The following STAU1 variants were observed in gnomAD, a reference collection of about 807,000 sequenced individuals.
The protein encoded by STAU1 is staufen double-stranded RNA binding protein 1, also known as double-stranded RNA-binding protein Staufen homolog 1.
Under a neutral mutation model 62.9 loss-of-function variants are expected in STAU1, and 13 were observed. That is an observed-to-expected ratio of 0.21 (90% confidence interval 0.13 to 0.33). The LOEUF (loss-of-function observed/expected upper bound fraction) is 0.33. Among genes scored for constraint, STAU1 ranks in the 10% least tolerant of loss-of-function variants. STAU1 has a pLI of 1.00. For missense variants in STAU1, 571 were observed against 712.1 expected, an observed-to-expected ratio of 0.80 and a Z score of 2.25; for synonymous variants, 269 against 265.1, an observed-to-expected ratio of 1.01 and a Z score of -0.14.
chr20:49,157,401 C>A (rs186633713), intron 3 of STAU1, among the ~76,000 whole-genome samples: 1 of 152,154 alleles, frequency 6.6e-6, no homozygotes, highest in Admixed American at 6.6e-5. Context: ...CTCACTGCAG[C>A]CTCCTGGGTT....
rs189961104 is a variant in STAU1, at chr20:49,146,686, C to T, written c.510+4896G>A. Among the ~76,000 whole-genome samples the T allele has an allele frequency of 2.0e-3, 299 of 149,220 alleles. 1 individual carries two copies. Among genetic ancestry groups the T allele is most frequent in the African/African-American group, 7.0e-3 (284 of 40,398 alleles). On this transcript the variant is annotated intron_variant, in intron 5 of 13. Coordinates refer to ENST00000371856, the MANE Select transcript of STAU1 (RefSeq NM_017453.4). ...GGCCTCCGCACTCCAGCCTGGGCAACAGAGTGAGACCCTATCTCCAAAAAA... is the reference window on the plus strand; with the variant it reads ...GGCCTCCGCACTCCAGCCTGGGCAATAGAGTGAGACCCTATCTCCAAAAAA...
chr20:49,152,636 G>A (rs915176918), intron 4 of STAU1, among the ~76,000 whole-genome samples: 2 of 151,942 alleles, frequency 1.3e-5, no homozygotes, highest in African/African-American at 4.8e-5. Context: ...CACCACACCT[G>A]GCCTCCACTA....
the STAU1 span, among the ~76,000 whole-genome samples, chr20:49,198,152 T>C: frequency 6.6e-6 from 1 of 152,170 alleles, no homozygotes; most frequent in Non-Finnish European, 1.5e-5. Flanking sequence ...CATTAGGAAA[T>C]GCAAATAAAA....
At chr20:49,159,224 C>T in intron 3 of STAU1, 1 of 917,450 alleles carries the variant, frequency 1.1e-6, no homozygotes, top group Non-Finnish European at 1.3e-6. Flanking sequence ...TCCGGTGCTA[C>T]CTGCCACTCT....
the STAU1 span, chr20:49,210,456 T>G: frequency 4.4e-6 from 2 of 455,874 alleles, no homozygotes; most frequent in Non-Finnish European, 8.8e-6. Flanking sequence ...TTTTTCTTCC[T>G]CCTCTTCTCT....
chr20:49,118,405 G>A lies in STAU1; in HGVS notation c.1117C>T (p.Pro373Ser). Residue 373 changes from proline (P) to serine (S), a missense_variant, in exon 10 of 14, where the codon CCC becomes TCC. Physicochemically the swap from Pro to Ser is moderately conservative, Grantham distance 74. Coordinates refer to ENST00000371856, the MANE Select transcript of STAU1 (RefSeq NM_017453.4). ...CTTCCATCCCCTGGTTTCTTTATGG[G>A]TGTCTTAAAAAAGAAGAAGAAAAAA... ...KPALKSEEKT[P>S]IKKPGDGRKV... 6.2e-7 allele frequency: 1 copy of A among 1,606,238 alleles called. No individual in the cohort carries two copies. Among genetic ancestry groups the A allele is most frequent in the Non-Finnish European group, 8.5e-7 (1 of 1,176,888 alleles).
chr20:49,153,017 G>C (rs1038538305), intron 4 of STAU1, among the ~76,000 whole-genome samples: 1 of 149,328 alleles, frequency 6.7e-6, no homozygotes, highest in Non-Finnish European at 1.5e-5. Context: ...TTGGGAGGCC[G>C]AGGTGGGCGG....
intron 1 of STAU1, among the ~76,000 whole-genome samples, chr20:49,184,624 A>G (rs569878602): frequency 1.3e-5 from 2 of 152,336 alleles, no homozygotes; most frequent in Admixed American, 1.3e-4. Context: ...TGAAACCTAA[A>G]AGAGAGCAAC....
the STAU1 span, among the ~76,000 whole-genome samples, chr20:49,201,666 C>T: frequency 6.8e-6 from 1 of 147,766 alleles, no homozygotes; most frequent in East Asian, 2.1e-4. Flanking sequence ...CGCTTGAATC[C>T]GGGAGGCAGA....
chr20:49,190,326 C>T (rs1482663615), upstream of STAU1, among the ~76,000 whole-genome samples: 1 of 152,164 alleles, frequency 6.6e-6, no homozygotes, highest in Non-Finnish European at 1.5e-5. Context: ...GCTCTGTCAC[C>T]TAACTAGAGT....
chr20:49,141,144 T>C (rs1051271279), intron 5 of STAU1, among the ~76,000 whole-genome samples: 2 of 152,232 alleles, frequency 1.3e-5, no homozygotes, highest in Non-Finnish European at 2.9e-5. Flanking sequence ...GTTCATTGTA[T>C]CAGCCCAATT....
intron 3 of STAU1, among the ~76,000 whole-genome samples, chr20:49,159,367 G>C (rs2093416079): frequency 6.6e-6 from 1 of 151,908 alleles, no homozygotes; most frequent in African/African-American, 2.4e-5. Context: ...ACAACTTGTG[G>C]GTAAAAAGAA....
chr20:49,205,247 G>T, the STAU1 span, among the ~76,000 whole-genome samples: 1 of 152,094 alleles, frequency 6.6e-6, no homozygotes, highest in East Asian at 1.9e-4. Flanking sequence ...GAGCGTTTTG[G>T]TCATGCAAAA....
chr20:49,192,345 C>CAA (rs575816817), upstream of STAU1, among the ~76,000 whole-genome samples: 4 of 67,580 alleles, frequency 5.9e-5, no homozygotes, highest in Non-Finnish European at 8.6e-5. Flanking sequence ...GACTCCATCT[C>CAA]AAAAAAAAAA....
chr20:49,208,326 A>G, the STAU1 span, among the ~76,000 whole-genome samples: 2 of 151,824 alleles, frequency 1.3e-5, no homozygotes, highest in Non-Finnish European at 2.9e-5. Flanking sequence ...CCAAAGTGCT[A>G]GGATTACAGG....
At chr20:49,172,047 C>T (rs576340514) in intron 2 of STAU1, among the ~76,000 whole-genome samples, 1 of 152,254 alleles carries the variant, frequency 6.6e-6, no homozygotes, top group African/African-American at 2.4e-5. Flanking sequence ...CTGGAAACAA[C>T]CCAGGCTGTT....
the STAU1 span, among the ~76,000 whole-genome samples, chr20:49,200,397 G>C: frequency 6.6e-6 from 1 of 152,108 alleles, no homozygotes; most frequent in Non-Finnish European, 1.5e-5. Context: ...AGGAAATCGA[G>C]ACCATCCTGG....
chr20:49,136,257 T>C (rs756713477), intron 5 of STAU1, among the ~76,000 whole-genome samples: 50 of 152,154 alleles, frequency 3.3e-4, no homozygotes, highest in Non-Finnish European at 4.6e-4. Context: ...GCCATGATCA[T>C]GCGCCACTGC....
At chr20:49,197,733 T>C in the STAU1 span, among the ~76,000 whole-genome samples, 1 of 151,878 alleles carries the variant, frequency 6.6e-6, no homozygotes, top group Non-Finnish European at 1.5e-5. Flanking sequence ...TTTCTTCCAG[T>C]CAGAATCTTG....
Sources: allele counts gnomAD v4.1 joint callset (sites outside exome capture counted in the v4.1 genomes callset), GRCh38; gene constraint gnomAD v4.1.1; transcripts MANE v1.5; gene names NCBI Gene and HGNC (gene_info 2026-07-23, HGNC 2026-07-21).